The following DACH1 variants were observed in gnomAD, a reference collection of about 807,000 sequenced individuals.
DACH1 encodes the protein dachshund homolog 1.
In DACH1, 12 loss-of-function variants were observed where a neutral mutation model predicts 54.2. The ratio of observed to expected loss-of-function variants is 0.22; its 90% CI spans 0.14 to 0.36. The LOEUF (loss-of-function observed/expected upper bound fraction) is 0.36, where lower values mean the gene tolerates loss of function less well. Ranked by LOEUF, DACH1 falls within the 10% of genes least tolerant of loss-of-function variation. The probability of loss-of-function intolerance (pLI) is 1.00; values close to 1 mark genes in which losing one functional copy is unlikely to be tolerated. For synonymous variants in DACH1, 386 were observed against 366.2 expected (o/e 1.05, Z -0.62); for missense variants, 805 against 929.8 (o/e 0.87, Z 1.75).
chr13:71,750,925 T>TA (rs961596567), intron 1 of DACH1, among the ~76,000 whole-genome samples: 9 of 152,066 alleles, frequency 5.9e-5, no homozygotes, highest in African/African-American at 1.4e-4. Flanking sequence ...AAAAGATGGC[T>TA]AAAAAAAATA....
At chr13:71,477,442 G>T (rs1432580721) in intron 8 of DACH1, among the ~76,000 whole-genome samples, 1 of 151,540 alleles carries the variant, frequency 6.6e-6, no homozygotes, top group Non-Finnish European at 1.5e-5. Context: ...TTTTTAAGAT[G>T]GAAGCTAATT....
At chr13:71,750,509 ATG>A (rs1307251749) in intron 1 of DACH1, among the ~76,000 whole-genome samples, 2 of 152,196 alleles carry the variant, frequency 1.3e-5, no homozygotes, top group East Asian at 3.8e-4. Flanking sequence ...TTCATTTAAT[ATG>A]TGTCTTAGCT....
intron 3 of DACH1, among the ~76,000 whole-genome samples, chr13:71,625,266 G>A (rs74096977): frequency 0.011 from 1,662 of 152,072 alleles, 23 homozygotes; most frequent in African/African-American, 0.033. Flanking sequence ...ACATTGCCAA[G>A]GCAGAGAATC....
intron 3 of DACH1, among the ~76,000 whole-genome samples, chr13:71,595,151 G>T (rs561347629): frequency 6.6e-6 from 1 of 152,204 alleles, no homozygotes; most frequent in East Asian, 1.9e-4. Flanking sequence ...CAAGAAGATG[G>T]CTGGACAATG....
chr13:71,855,972 A>C (rs1873975920), intron 1 of DACH1, among the ~76,000 whole-genome samples: 1 of 152,026 alleles, frequency 6.6e-6, no homozygotes, highest in Non-Finnish European at 1.5e-5. Flanking sequence ...ATACATAAAG[A>C]GAAGAATTTT....
At chr13:71,585,096 T>C (rs1467171270) in intron 3 of DACH1, among the ~76,000 whole-genome samples, 1 of 152,128 alleles carries the variant, frequency 6.6e-6, no homozygotes, top group Non-Finnish European at 1.5e-5. Flanking sequence ...ATACCGAACA[T>C]CTATTTTGTG....
chr13:71,521,509 C>T (rs1316554081), intron 6 of DACH1, among the ~76,000 whole-genome samples: 1 of 151,988 alleles, frequency 6.6e-6, no homozygotes, highest in East Asian at 1.9e-4. Context: ...TTAAAACCAC[C>T]TCCTGGAGGA....
intron 3 of DACH1, among the ~76,000 whole-genome samples, chr13:71,599,428 T>C (rs1243584327): frequency 6.6e-6 from 1 of 152,094 alleles, no homozygotes; most frequent in Non-Finnish European, 1.5e-5. Flanking sequence ...GGTAGAAAAA[T>C]GGCATCCTCT....
intron 2 of DACH1, among the ~76,000 whole-genome samples, chr13:71,636,990 T>G (rs1423873137): frequency 6.6e-6 from 1 of 152,188 alleles, no homozygotes; most frequent in East Asian, 1.9e-4. Context: ...TTACTTTTAT[T>G]CTCACTTTTT....
chr13:71,482,697 T>C (rs755909869), intron 7 of DACH1, among the ~76,000 whole-genome samples: 2 of 152,070 alleles, frequency 1.3e-5, no homozygotes, highest in African/African-American at 2.4e-5. Flanking sequence ...TTCCCTGGTC[T>C]CTTTTCAGGG....
intron 6 of DACH1, among the ~76,000 whole-genome samples, chr13:71,506,665 G>C (rs905724030): frequency 1.3e-5 from 2 of 151,986 alleles, no homozygotes; most frequent in Non-Finnish European, 2.9e-5. Context: ...ATACTACAAG[G>C]CTACAGTAAC....
chr13:71,591,754 C>G (rs574331463), intron 3 of DACH1, among the ~76,000 whole-genome samples: 7 of 152,250 alleles, frequency 4.6e-5, no homozygotes, highest in Middle Eastern at 3.4e-3. Context: ...TTAAGAAATA[C>G]TGTAGTATCT....
Position 71,585,443 on chromosome 13 carries a change from C to T in DACH1, c.1127-12431G>A, listed in dbSNP as rs184367623. ...AGTGATTAAATTAAGTGCTTAAGGT[C>T]GCACAGCCTTTTGGAAAAAGAGCTG... is the stretch of plus-strand genomic sequence containing the variant. On this transcript the variant is annotated intron_variant, in intron 3 of 10. Coordinates refer to ENST00000613252, the MANE Select transcript of DACH1 (RefSeq NM_080759.6). 2.2e-3 allele frequency among the ~76,000 whole-genome samples: 341 copies of T among 152,252 alleles called. 1 individual carries two copies. The highest frequency in any genetic ancestry group is 3.4e-3 in the Non-Finnish European group (231 of 68,018).
chr13:71,804,690 C>A (rs1457641437), intron 1 of DACH1, among the ~76,000 whole-genome samples: 1 of 152,110 alleles, frequency 6.6e-6, no homozygotes, highest in African/African-American at 2.4e-5. Flanking sequence ...TTAGCTCCAC[C>A]TGTTAAGGTA....
In DACH1 at chr13:71,697,904, A is replaced by G. The variant is rs574654376; in HGVS notation, c.849-15994T>C. 2.4e-4 allele frequency among the ~76,000 whole-genome samples: 36 copies of G among 152,326 alleles called. 1 individual carries two copies. In the South Asian group the frequency reaches 7.5e-3, roughly 32 times the overall value. On this transcript the variant is annotated intron_variant, in intron 1 of 10. Coordinates refer to ENST00000613252, the MANE Select transcript of DACH1 (RefSeq NM_080759.6). ...CCGATTTTATGCATTTTAAAAGGAG[A>G]TTACAGATTACAAATGAGTAAAAAG...
At chr13:71,795,104 C>G (rs1250641781) in intron 1 of DACH1, among the ~76,000 whole-genome samples, 3 of 152,070 alleles carry the variant, frequency 2.0e-5, no homozygotes, top group Non-Finnish European at 4.4e-5. Context: ...CTATTTTCAG[C>G]AAAGTCTATT....
chr13:71,818,097 G>A (rs1348452632), intron 1 of DACH1, among the ~76,000 whole-genome samples: 1 of 152,058 alleles, frequency 6.6e-6, no homozygotes, highest in Non-Finnish European at 1.5e-5. Context: ...ACAGGTGTGA[G>A]CCACCGCACC....
intron 6 of DACH1, among the ~76,000 whole-genome samples, chr13:71,535,756 T>C (rs1882735582): frequency 6.6e-6 from 1 of 152,026 alleles, no homozygotes; most frequent in Admixed American, 6.6e-5. Flanking sequence ...ACAAGCTCTA[T>C]AACAACTGGA....
intron 6 of DACH1, among the ~76,000 whole-genome samples, chr13:71,495,980 C>T (rs1321898355): frequency 1.3e-5 from 2 of 151,970 alleles, no homozygotes; most frequent in Admixed American, 6.6e-5. Flanking sequence ...CGCCTGAAAT[C>T]CCAGCACTTT....
Sources: allele counts gnomAD v4.1 joint callset (sites outside exome capture counted in the v4.1 genomes callset), GRCh38; gene constraint gnomAD v4.1.1; transcripts MANE v1.5; gene names NCBI Gene and HGNC (gene_info 2026-07-23, HGNC 2026-07-21).